GRM7: variants seen among roughly 807,000 people sequenced by gnomAD.
GRM7 encodes metabotropic glutamate receptor 7.
GRM7 carries 35 observed loss-of-function variants against 84.5 expected under a neutral mutation model. The ratio of observed to expected loss-of-function variants is 0.41; its 90% CI spans 0.32 to 0.55. The LOEUF (loss-of-function observed/expected upper bound fraction) is 0.55. Among genes scored for constraint, GRM7 ranks in the 20% least tolerant of loss-of-function variants. GRM7 has a pLI of 0.19. For synonymous variants in GRM7, 487 were observed against 455.1 expected, an observed-to-expected ratio of 1.07 and a Z score of -0.89; for missense variants, 1,003 against 1,194.6, an observed-to-expected ratio of 0.84 and a Z score of 2.36.
chr3:7,656,669 A>T (rs1699217399), intron 8 of GRM7, among the ~76,000 whole-genome samples: 1 of 151,852 alleles, frequency 6.6e-6, no homozygotes, highest in South Asian at 2.1e-4. Context: ...ATCAGCATTC[A>T]TTTGTACCTG....
chr3:6,891,329 G>C (rs1436802893), intron 1 of GRM7, among the ~76,000 whole-genome samples: 2 of 152,092 alleles, frequency 1.3e-5, no homozygotes, highest in African/African-American at 4.8e-5. Flanking sequence ...TCCTGGCCTC[G>C]ATGGTCTTTA....
chr3:7,327,150 G>A (rs755649967), intron 4 of GRM7, among the ~76,000 whole-genome samples: 8 of 152,182 alleles, frequency 5.3e-5, no homozygotes, highest in Non-Finnish European at 8.8e-5. Context: ...CACTCATCCT[G>A]AGCATGCCTG....
rs1017400663 is a variant in GRM7 at position 7,201,865 on chromosome 3, A to T, written c.736+55197A>T. 2.6e-5 allele frequency among the ~76,000 whole-genome samples: 4 copies of T among 152,218 alleles called. No homozygotes were observed. The East Asian group carries it at 7.7e-4, about 29-fold the overall frequency. On this transcript the variant is annotated intron_variant, in intron 2 of 9. Transcript: ENST00000357716. Reference sequence around the variant, plus strand: ...GAAACTAATTCTTAGTTAAAACAATAGTTCAAATGGAGTGCCCTCTTTATA... The same window carrying T: ...GAAACTAATTCTTAGTTAAAACAATTGTTCAAATGGAGTGCCCTCTTTATA...
At chr3:7,336,612 C>T (rs2125072778) in intron 4 of GRM7, among the ~76,000 whole-genome samples, 1 of 151,992 alleles carries the variant, frequency 6.6e-6, no homozygotes, top group African/African-American at 2.4e-5. Context: ...TGTCTCTGTT[C>T]ACTGATGATA....
chr3:7,507,333 A>G lies in GRM7; in HGVS notation c.1515+45611A>G, dbSNP rs79211692. On this transcript the variant is annotated intron_variant, in intron 7 of 9. Coordinates refer to ENST00000357716, the MANE Select transcript of GRM7 (RefSeq NM_000844.4). ...CAGCTACTGGGACAAGCAAATACCA[A>G]CTATATATTTTGGAAACTTCTGGAA... Among the ~76,000 whole-genome samples the G allele has an allele frequency of 8.8e-3, 1,337 of 152,318 alleles. 27 individuals are homozygous for G. Among genetic ancestry groups the G allele is most frequent in the Admixed American group, 0.045 (682 of 15,290 alleles).
intron 1 of GRM7, among the ~76,000 whole-genome samples, chr3:7,091,930 C>T (rs1698678858): frequency 6.6e-6 from 1 of 151,592 alleles, no homozygotes; most frequent in East Asian, 2.0e-4. Context: ...CATGGTATAA[C>T]TTTGCTGCTT....
chr3:7,350,320 T>A (rs774586947), intron 4 of GRM7, among the ~76,000 whole-genome samples: 1 of 151,630 alleles, frequency 6.6e-6, no homozygotes, highest in African/African-American at 2.4e-5. Context: ...TGGTGGGAGG[T>A]GATTGGATCA....
chr3:6,948,394 G>A (rs1397717763), intron 1 of GRM7, among the ~76,000 whole-genome samples: 1 of 152,156 alleles, frequency 6.6e-6, no homozygotes, highest in Non-Finnish European at 1.5e-5. Flanking sequence ...CTGAGTTCTA[G>A]TTTGATTGCA....
At chr3:7,330,597 C>A (rs1356745373) in intron 4 of GRM7, among the ~76,000 whole-genome samples, 1 of 152,126 alleles carries the variant, frequency 6.6e-6, no homozygotes, top group Non-Finnish European at 1.5e-5. Context: ...GTGAATAAGT[C>A]TCAGAAGATC....
intron 1 of GRM7, among the ~76,000 whole-genome samples, chr3:7,001,348 TC>T (rs1695008256): frequency 6.6e-6 from 1 of 152,068 alleles, no homozygotes; most frequent in Non-Finnish European, 1.5e-5. Flanking sequence ...AGACCCTGTC[TC>T]CAAAACTAAA....
At chr3:6,940,560 A>G (rs976834709) in intron 1 of GRM7, among the ~76,000 whole-genome samples, 4 of 152,002 alleles carry the variant, frequency 2.6e-5, no homozygotes, top group Non-Finnish European at 5.9e-5. Flanking sequence ...TTTTACAACC[A>G]TTGAGAAATT....
At chr3:7,324,929 A>G (rs370129785) in intron 4 of GRM7, among the ~76,000 whole-genome samples, 4 of 152,176 alleles carry the variant, frequency 2.6e-5, no homozygotes, top group South Asian at 2.1e-4. Flanking sequence ...CTTCCAGTAT[A>G]TATCAGCCAG....
intron 2 of GRM7, among the ~76,000 whole-genome samples, chr3:7,252,721 G>A (rs1282773372): frequency 1.7e-4 from 3 of 17,924 alleles, no homozygotes; most frequent in African/African-American, 2.1e-4. Context: ...ATGGAGTTTT[G>A]CTGTGTTGCC....
At chr3:7,070,255 A>C (rs1400259432) in intron 1 of GRM7, among the ~76,000 whole-genome samples, 3 of 152,268 alleles carry the variant, frequency 2.0e-5, no homozygotes, top group Non-Finnish European at 4.4e-5. Flanking sequence ...TATTTAATGA[A>C]ATGGATAATT....
At chr3:7,346,579 G>T (rs976295525) in intron 4 of GRM7, among the ~76,000 whole-genome samples, 1 of 152,072 alleles carries the variant, frequency 6.6e-6, no homozygotes, top group African/African-American at 2.4e-5. Context: ...TAACTGCAAT[G>T]GTGTGGGAGA....
At chr3:6,875,389 G>A (rs1200103229) in intron 1 of GRM7, among the ~76,000 whole-genome samples, 3 of 152,052 alleles carry the variant, frequency 2.0e-5, no homozygotes, top group African/African-American at 7.2e-5. Context: ...TCATGGGGGT[G>A]GTTTCCCCCA....
At chr3:7,606,920 A>G (rs1372056810) in intron 8 of GRM7, 1 of 152,186 alleles carries the variant, frequency 6.6e-6, no homozygotes, top group East Asian at 1.9e-4. Flanking sequence ...TATTATCTAG[A>G]CAGATTACAC....
At chr3:7,639,340 A>G (rs1426321420) in intron 8 of GRM7, among the ~76,000 whole-genome samples, 2 of 152,196 alleles carry the variant, frequency 1.3e-5, no homozygotes, top group African/African-American at 2.4e-5. Context: ...CCCTTACCCA[A>G]AAACATTTAC....
intron 7 of GRM7, among the ~76,000 whole-genome samples, chr3:7,514,506 C>A (rs1700310908): frequency 6.6e-6 from 1 of 152,232 alleles, no homozygotes; most frequent in Admixed American, 6.5e-5. Context: ...CTGGTAAAAA[C>A]CAGATGTAGG....
Sources: gnomAD v4.1 joint callset for allele counts (sites outside exome capture counted in the v4.1 genomes callset) on GRCh38, gnomAD v4.1.1 for gene constraint, MANE v1.5 for transcripts, NCBI Gene and HGNC (gene_info 2026-07-23, HGNC 2026-07-21) for gene names.